The following CADPS2 variants were observed in gnomAD, a reference collection of about 807,000 sequenced individuals.
The protein encoded by CADPS2 is calcium-dependent secretion activator 2.
Under a neutral mutation model 172.5 loss-of-function variants are expected in CADPS2, and 93 were observed. The observed-to-expected ratio is 0.54, with a 90% CI of 0.46 to 0.64. The LOEUF (loss-of-function observed/expected upper bound fraction) is 0.64. CADPS2 is among the 30% of genes least tolerant of loss of function. The probability of loss-of-function intolerance (pLI) is 0.00; values close to 1 mark genes in which losing one functional copy is unlikely to be tolerated. For missense variants in CADPS2, 1,420 were observed against 1,565.9 expected, an observed-to-expected ratio of 0.91 and a Z score of 1.57; for synonymous variants, 546 against 555.2, an observed-to-expected ratio of 0.98 and a Z score of 0.23.
chr7:122,852,703 C>T (rs539257136), intron 1 of CADPS2, among the ~76,000 whole-genome samples: 2 of 152,208 alleles, frequency 1.3e-5, no homozygotes, highest in African/African-American at 4.8e-5. Context: ...GCAGAGAGAG[C>T]AAGGGGGAGA....
At chr7:122,793,682 G>C (rs1795763587) in intron 1 of CADPS2, among the ~76,000 whole-genome samples, 2 of 152,102 alleles carry the variant, frequency 1.3e-5, no homozygotes, top group Admixed American at 1.3e-4. Flanking sequence ...GATGTTAGCT[G>C]GTTATTTTGC....
intron 14 of CADPS2, among the ~76,000 whole-genome samples, chr7:122,463,985 C>T: frequency 6.6e-6 from 1 of 152,118 alleles, no homozygotes. Flanking sequence ...TAGCTCTGTC[C>T]AACTGAGAGG....
At chr7:122,803,066 T>G (rs1037481786) in intron 1 of CADPS2, among the ~76,000 whole-genome samples, 1 of 152,354 alleles carries the variant, frequency 6.6e-6, no homozygotes, top group East Asian at 1.9e-4. Context: ...TGTTATTGTA[T>G]GCATAGGTAT....
At chr7:122,677,007 T>A (rs1398682857) in intron 2 of CADPS2, among the ~76,000 whole-genome samples, 1 of 152,164 alleles carries the variant, frequency 6.6e-6, no homozygotes, top group Non-Finnish European at 1.5e-5. Context: ...AAGGACACAC[T>A]TGTGTAGCCC....
intron 1 of CADPS2, among the ~76,000 whole-genome samples, chr7:122,867,879 C>T (rs898191851): frequency 2.2e-4 from 34 of 152,070 alleles, no homozygotes; most frequent in African/African-American, 7.5e-4. Flanking sequence ...GAGATATAGT[C>T]CTGCAATCTC....
At position 122,468,047 on chromosome 7, in the gene CADPS2, A is replaced by T. The variant is rs117771884; in HGVS notation, c.2186+3328T>A. Among the ~76,000 whole-genome samples the T allele has an allele frequency of 1.7e-3, 266 of 152,260 alleles. 1 individual carries two copies. The highest frequency in any genetic ancestry group is 2.9e-3 in the Non-Finnish European group (199 of 68,010). ...TTATTTCTGAAACACTCAGAGTGCTATTCAGAGATGTATCTGTACAGAAAG... is the reference window on the plus strand; with the variant it reads ...TTATTTCTGAAACACTCAGAGTGCTTTTCAGAGATGTATCTGTACAGAAAG... On this transcript the variant is annotated intron_variant, in intron 14 of 29. Coordinates refer to ENST00000449022, the MANE Select transcript of CADPS2 (RefSeq NM_017954.11).
chr7:122,423,703 T>C (rs1009044831), intron 17 of CADPS2, among the ~76,000 whole-genome samples: 1 of 152,202 alleles, frequency 6.6e-6, no homozygotes, highest in Admixed American at 6.5e-5. Flanking sequence ...TAGATCTCCA[T>C]TTCTTGGCTT....
intron 25 of CADPS2, among the ~76,000 whole-genome samples, chr7:122,363,133 A>T (rs1463092799): frequency 6.6e-6 from 1 of 152,134 alleles, no homozygotes; most frequent in Admixed American, 6.5e-5. Flanking sequence ...TGGCTAACTC[A>T]ACTTGATGTA....
At position 122,783,039 on chromosome 7, in the gene CADPS2, CA is replaced by C. The variant is rs1301564296; in HGVS notation, c.340-45972del. On this transcript the variant is annotated intron_variant, in intron 1 of 29. Coordinates refer to ENST00000449022, the MANE Select transcript of CADPS2 (RefSeq NM_017954.11). ...TATCCTAGCTAACACAGTGAATCCCCATTGCTACTAAAAATACAAAAAATTA... is the reference window on the plus strand; with the variant it reads ...TATCCTAGCTAACACAGTGAATCCCCTTGCTACTAAAAATACAAAAAATTA... 2.6e-5 allele frequency among the ~76,000 whole-genome samples: 4 copies of C among 151,964 alleles called. No homozygotes were observed. The East Asian group carries it at 7.8e-4, about 29-fold the overall frequency.
chr7:122,697,851 A>G (rs1181133251), intron 2 of CADPS2: 1 of 1,611,072 alleles, frequency 6.2e-7, no homozygotes, highest in Non-Finnish European at 8.5e-7. Flanking sequence ...TCTGAGAAGT[A>G]GGGTTCTCCT....
At chr7:122,454,679 G>T (rs1166366134) in intron 14 of CADPS2, among the ~76,000 whole-genome samples, 1 of 152,122 alleles carries the variant, frequency 6.6e-6, no homozygotes, top group Non-Finnish European at 1.5e-5. Flanking sequence ...ACATTCTAAA[G>T]TATGTTTTTA....
At chr7:122,883,082 G>T (rs1031770411) in intron 1 of CADPS2, among the ~76,000 whole-genome samples, 3 of 152,128 alleles carry the variant, frequency 2.0e-5, no homozygotes, top group East Asian at 3.9e-4. Flanking sequence ...CAAAAGCAAA[G>T]AAATTCATGT....
At position 122,490,107 on chromosome 7, in the gene CADPS2, C is replaced by T. The variant is rs770258948; in HGVS notation, c.1826G>A (p.Gly609Glu). ...IQTQKLNPKG[G>E]TLHADAQLSG... ...AAGCTGAGCATCTGCATGGAGAGTT[C>T]CTCCTTTAGGATTCAGTTTCTGGGT... Residue 609 changes from glycine (G) to glutamate (E), a missense_variant, in exon 11 of 30, where the codon GGA (glycine) becomes GAA (glutamate). By Grantham distance (98) the Gly-to-Glu change is moderately conservative (BLOSUM62 -2). Transcript: ENST00000449022. 39 of 1,613,228 alleles carry T rather than the reference C, an allele frequency of 2.4e-5. No homozygotes were observed. The highest frequency in any genetic ancestry group is 3.1e-5 in the Non-Finnish European group (37 of 1,179,530).
At position 122,753,332 on chromosome 7, in the gene CADPS2, A is replaced by C. The variant is rs190882687; in HGVS notation, c.340-16264T>G. On this transcript the variant is annotated intron_variant, in intron 1 of 29. Transcript: ENST00000449022. ...TTCTCTATGACTACATTCACCCTAC[A>C]GTTTTCTAAATACATGCAAAGAGGA... Among the ~76,000 whole-genome samples, 29 of 152,344 alleles carry C rather than the reference A, an allele frequency of 1.9e-4. 1 individual carries two copies. In the East Asian group the frequency reaches 5.6e-3, roughly 29 times the overall value.
chr7:122,822,130 C>T (rs1214545947), intron 1 of CADPS2, among the ~76,000 whole-genome samples: 2 of 151,354 alleles, frequency 1.3e-5, no homozygotes, highest in Non-Finnish European at 1.5e-5. Flanking sequence ...CAAACTGCCA[C>T]TCTTAACTCT....
At chr7:122,853,905 C>T (rs750457007) in intron 1 of CADPS2, among the ~76,000 whole-genome samples, 6 of 152,264 alleles carry the variant, frequency 3.9e-5, no homozygotes, top group African/African-American at 7.2e-5. Flanking sequence ...TCTTACTTGG[C>T]GCCCAAGGCA....
chr7:122,736,430 C>G (rs2092153293), intron 2 of CADPS2, among the ~76,000 whole-genome samples: 1 of 152,160 alleles, frequency 6.6e-6, no homozygotes, highest in Non-Finnish European at 1.5e-5. Flanking sequence ...TGTGTGAAAA[C>G]TGGTGCTCAT....
At chr7:122,732,312 C>G (rs2091724341) in intron 2 of CADPS2, among the ~76,000 whole-genome samples, 2 of 150,912 alleles carry the variant, frequency 1.3e-5, no homozygotes, top group Non-Finnish European at 3.0e-5. Context: ...GAAGGTACAA[C>G]CACTATAAGA....
intron 2 of CADPS2, chr7:122,699,142 C>T: frequency 2.0e-6 from 1 of 494,852 alleles, no homozygotes; most frequent in Non-Finnish European, 3.6e-6. Flanking sequence ...CTACTGTTAA[C>T]TCTAGATACT....
Sources: allele counts gnomAD v4.1 joint callset (sites outside exome capture counted in the v4.1 genomes callset), GRCh38; gene constraint gnomAD v4.1.1; transcripts MANE v1.5; gene names NCBI Gene and HGNC (gene_info 2026-07-23, HGNC 2026-07-21).